The following OTUD5 variants were observed in gnomAD, a reference collection of about 807,000 sequenced individuals.
OTUD5 encodes OTU deubiquitinase 5, also known as OTU domain-containing protein 5.
In OTUD5, 2 loss-of-function variants were observed where a neutral mutation model predicts 36.3. The observed-to-expected ratio is 0.06, with a 90% confidence interval of 0.02 to 0.17. The LOEUF is 0.17. Among genes scored for constraint, OTUD5 ranks in the 10% least tolerant of loss-of-function variants. The probability of loss-of-function intolerance (pLI) is 1.00; values close to 1 mark genes in which losing one functional copy is unlikely to be tolerated. For missense variants in OTUD5, 233 were observed against 512.3 expected (o/e 0.45, Z 5.26); for synonymous variants, 234 against 214.9 (o/e 1.09, Z -0.78).
intron 1 of OTUD5, among the ~76,000 whole-genome samples, chrX:48,956,557 A>G (rs1490088281): frequency 9.0e-6 from 1 of 111,424 alleles, no homozygotes; most frequent in Non-Finnish European, 1.9e-5. Context: ...CTTTCCTGGA[A>G]GGGGAATCTC....
chrX:48,951,315 C>G (rs781842757), intron 1 of OTUD5, among the ~76,000 whole-genome samples: 182 of 112,149 alleles, frequency 1.6e-3, no homozygotes, highest in Middle Eastern at 4.6e-3. Flanking sequence ...AGCCTGGCTC[C>G]ATGGACAAAA....
At position 48,922,821 on chromosome X, in the gene OTUD5, G is replaced by A; in HGVS notation, c.*353C>T. 1 of 811,526 alleles carries A rather than the reference G, an allele frequency of 1.2e-6. No individual in the cohort carries two copies. The highest frequency in any genetic ancestry group is 1.5e-6 in the Non-Finnish European group (1 of 675,674). 66.9% of individuals were successfully genotyped at this position (811,526 alleles called of 1,213,427 possible). A position where few individuals can be genotyped will look rare whatever the true frequency, so the allele number is the denominator to read the frequency against. On this transcript the variant is annotated 3_prime_UTR_variant, in exon 9 of 9. Transcript: ENST00000376488. ...GGGGCAGGGAGACTTTCCTCTGTCT[G>A]AATGTCTCTCTCCTCTGGGGCTGCC...
rs182036826 is a variant in OTUD5 at position 48,938,485 on chromosome X, G to A, written c.689-3467C>T. ...ACGCAGGTGGATCACCTGAGGTCAGGAGTTCAAGACCAGCCGAGCCAACAT... is the reference window on the plus strand; with the variant it reads ...ACGCAGGTGGATCACCTGAGGTCAGAAGTTCAAGACCAGCCGAGCCAACAT... On this transcript the variant is annotated intron_variant, in intron 2 of 8. Transcript: ENST00000376488. Among the ~76,000 whole-genome samples the A allele has an allele frequency of 7.4e-3, 825 of 110,991 alleles. 4 individuals carry two copies. The highest frequency in any genetic ancestry group is 0.012 in the Non-Finnish European group (640 of 52,937).
intron 1 of OTUD5, among the ~76,000 whole-genome samples, chrX:48,948,826 T>C (rs1004662998): frequency 8.9e-6 from 1 of 111,892 alleles, no homozygotes; most frequent in South Asian, 3.7e-4. Flanking sequence ...TCGCTGAGCC[T>C]ATGGGAAAAT....
chrX:48,925,766 A>C lies in OTUD5; in HGVS notation c.1263+81T>G, dbSNP rs1488130666. Reference sequence around the variant, plus strand: ...TCCCTCCCAGATGTCAAAACTGCTTAATTTTTTTCTGCTCGCTTGAGGGCA... The same window carrying C: ...TCCCTCCCAGATGTCAAAACTGCTTCATTTTTTTCTGCTCGCTTGAGGGCA... On this transcript the variant is annotated intron_variant, in intron 6 of 8. Transcript: ENST00000376488. The C allele has an allele frequency of 3.2e-4, 269 of 837,249 alleles. 1 individual carries two copies. Among genetic ancestry groups the C allele is most frequent in the Non-Finnish European group, 1.5e-4 (89 of 579,713 alleles). The allele number at this position is 837,249 out of a possible 1,213,427, so 69.0% of individuals were successfully genotyped here.
chrX:48,928,108 C>T (rs1371905985), intron 5 of OTUD5, among the ~76,000 whole-genome samples: 1 of 112,657 alleles, frequency 8.9e-6, no homozygotes, highest in African/African-American at 3.2e-5. Context: ...TAAAATCCAA[C>T]ACAATGACAG....
chrX:48,949,641 G>A (rs1489195885), intron 1 of OTUD5, among the ~76,000 whole-genome samples: 3 of 111,279 alleles, frequency 2.7e-5, no homozygotes, highest in African/African-American at 9.8e-5. Flanking sequence ...TAGCACCACT[G>A]CACTCCAGCC....
At chrX:48,957,646 G>A, upstream of OTUD5, 2 of 791,003 alleles carry the variant, frequency 2.5e-6, no homozygotes, top group African/African-American at 4.6e-5. Context: ...GGGGGCTAGT[G>A]TAGTGCGCGA....
chrX:48,950,374 A>C (rs781798524), intron 1 of OTUD5, among the ~76,000 whole-genome samples: 1 of 109,711 alleles, frequency 9.1e-6, no homozygotes, highest in Non-Finnish European at 1.9e-5. Flanking sequence ...ATGCAGTCAT[A>C]AACCAAGGAA....
chrX:48,931,368 G>A (rs2063748518), intron 5 of OTUD5, among the ~76,000 whole-genome samples: 1 of 112,418 alleles, frequency 8.9e-6, no homozygotes, highest in Non-Finnish European at 1.9e-5. Flanking sequence ...GTCCAAAAGA[G>A]ACATTTCCTA....
intron 1 of OTUD5, among the ~76,000 whole-genome samples, chrX:48,945,797 C>A (rs2064017660): frequency 9.0e-6 from 1 of 110,992 alleles, no homozygotes; most frequent in Non-Finnish European, 1.9e-5. Flanking sequence ...GCACACCTGG[C>A]ACCACGAAGG....
intron 1 of OTUD5, among the ~76,000 whole-genome samples, chrX:48,954,585 G>A (rs1557054711): frequency 9.0e-6 from 1 of 111,405 alleles, no homozygotes; most frequent in Non-Finnish European, 1.9e-5. Flanking sequence ...ATGGGAGGAA[G>A]GGACCAAGAA....
intron 2 of OTUD5, among the ~76,000 whole-genome samples, chrX:48,941,173 C>T (rs1307285032): frequency 9.0e-6 from 1 of 110,981 alleles, no homozygotes; most frequent in Non-Finnish European, 1.9e-5. Flanking sequence ...TGGCTCATGC[C>T]TATAATCCCA....
At position 48,923,685 on chromosome X, in the gene OTUD5, G is replaced by A. The variant is rs782266663; in HGVS notation, c.1527C>T (p.Tyr509=). 9 of 1,210,043 alleles carry A rather than the reference G, an allele frequency of 7.4e-6. No individual in the cohort carries two copies. In the South Asian group the frequency reaches 1.2e-4, roughly 17 times the overall value. The part of the protein sequence containing the change: ...DRATSPLVSL[Y]PALECRALIQ... ...TGAGGGCCCGGCACTCCAAAGCAGGGTAGAGGGACACAAGGGGGGAAGTTG... is the reference window on the plus strand; with the variant it reads ...TGAGGGCCCGGCACTCCAAAGCAGGATAGAGGGACACAAGGGGGGAAGTTG... Residue 509 remains tyrosine, a synonymous_variant, in exon 8 of 9, where the codon TAC becomes TAT. Coordinates refer to ENST00000376488, the MANE Select transcript of OTUD5 (RefSeq NM_001136157.2).
intron 5 of OTUD5, among the ~76,000 whole-genome samples, chrX:48,929,678 C>CGCA (rs1378270599): frequency 1.5e-4 from 17 of 110,224 alleles, no homozygotes; most frequent in African/African-American, 5.3e-4. Context: ...TTGAGATCAT[C>CGCA]GCACCACTGC....
At chrX:48,940,342 T>A (rs2063899519) in intron 2 of OTUD5, 2 of 113,764 alleles carry the variant, frequency 1.8e-5, no homozygotes, top group Non-Finnish European at 3.7e-5. Flanking sequence ...TTCTGTGGCC[T>A]GGTTCAACCT....
At chrX:48,944,377 CAG>C in intron 1 of OTUD5, 94 bp from the exon 2 acceptor site, 3 of 546,309 alleles carry the variant, frequency 5.5e-6, no homozygotes, top group Non-Finnish European at 6.3e-6. Flanking sequence ...AGATCATTGA[CAG>C]AGAGGACGCT....
chrX:48,925,278 C>CAA (rs781953573), intron 6 of OTUD5, among the ~76,000 whole-genome samples: 1 of 39,230 alleles, frequency 2.5e-5, no homozygotes. Flanking sequence ...ACTCTGTCTC[C>CAA]AAAAAAAAAA....
chrX:48,944,356 C>T (rs1310955468), intron 1 of OTUD5, 73 bp from the exon 2 acceptor site: 4 of 651,768 alleles, frequency 6.1e-6, no homozygotes, highest in Non-Finnish European at 7.4e-6. Context: ...CCTCAAGCTC[C>T]CGAGAGGCCT....
Sources: allele counts gnomAD v4.1 joint callset (sites outside exome capture counted in the v4.1 genomes callset), GRCh38; gene constraint gnomAD v4.1.1; transcripts MANE v1.5; gene names NCBI Gene and HGNC (gene_info 2026-07-23, HGNC 2026-07-21).